The following TFEC variants were observed in gnomAD, a reference collection of about 807,000 sequenced individuals.
TFEC encodes the protein class E basic helix-loop-helix protein 34.
Under a neutral mutation model 41.6 loss-of-function variants are expected in TFEC, and 31 were observed. That is an observed-to-expected ratio of 0.74 (90% CI 0.56 to 1.01). TFEC has a LOEUF of 1.01. Ranked by LOEUF, TFEC falls within the 50% of genes least tolerant of loss-of-function variation. TFEC has a pLI of 0.00. For synonymous variants in TFEC, 143 were observed against 140.6 expected (o/e 1.02, Z -0.12); for missense variants, 402 against 404.1 (o/e 0.99, Z 0.04).
At chr7:116,117,994 T>C (rs1185417965) in intron 1 of TFEC, among the ~76,000 whole-genome samples, 1 of 151,858 alleles carries the variant, frequency 6.6e-6, no homozygotes, top group Non-Finnish European at 1.5e-5. Context: ...GAAAAAGAAA[T>C]TCAAAATCCT....
intron 3 of TFEC, among the ~76,000 whole-genome samples, chr7:115,963,414 A>T (rs1467360924): frequency 2.6e-5 from 4 of 151,796 alleles, no homozygotes; most frequent in African/African-American, 9.7e-5. Context: ...TTAACATATG[A>T]TCCAGTAATT....
chr7:115,944,508 T>C (rs1793688512), intron 6 of TFEC, among the ~76,000 whole-genome samples: 1 of 151,678 alleles, frequency 6.6e-6, no homozygotes, highest in African/African-American at 2.4e-5. Flanking sequence ...CCTTCTGACC[T>C]CACCATTTTG....
chr7:116,123,910 C>T (rs977730596), intron 1 of TFEC, among the ~76,000 whole-genome samples: 3 of 152,010 alleles, frequency 2.0e-5, no homozygotes, highest in Non-Finnish European at 4.4e-5. Flanking sequence ...CAAATCTTAG[C>T]ATGATATTAA....
At chr7:116,057,025 A>T (rs533665288) in intron 3 of TFEC, among the ~76,000 whole-genome samples, 1 of 152,156 alleles carries the variant, frequency 6.6e-6, no homozygotes, top group South Asian at 2.1e-4. Flanking sequence ...GAGATGCAAA[A>T]TACGCTGGAT....
chr7:115,941,029 T>C, intron 7 of TFEC, 98 bp from the exon 8 acceptor site: 10 of 1,147,720 alleles, frequency 8.7e-6, no homozygotes, highest in Non-Finnish European at 1.2e-5. Flanking sequence ...AACAAGCATT[T>C]AAAATGAAGA....
chr7:116,145,001 T>C (rs569303671), intron 1 of TFEC, among the ~76,000 whole-genome samples: 2 of 152,282 alleles, frequency 1.3e-5, no homozygotes, highest in South Asian at 2.1e-4. Context: ...CTGACTAATA[T>C]AGACTATATT....
At chr7:116,073,224 C>A (rs1386683189) in intron 3 of TFEC, among the ~76,000 whole-genome samples, 3 of 151,404 alleles carry the variant, frequency 2.0e-5, no homozygotes, top group Non-Finnish European at 4.4e-5. Flanking sequence ...ATTAAGAAAA[C>A]AATTCCATTT....
intron 3 of TFEC, among the ~76,000 whole-genome samples, chr7:116,081,929 C>T (rs1203740836): frequency 6.6e-6 from 1 of 151,944 alleles, no homozygotes; most frequent in East Asian, 1.9e-4. Context: ...TAAATGCTAC[C>T]TCTTCTATGC....
intron 3 of TFEC, among the ~76,000 whole-genome samples, chr7:116,052,845 G>T (rs981023042): frequency 6.6e-6 from 1 of 151,548 alleles, no homozygotes; most frequent in African/African-American, 2.4e-5. Flanking sequence ...CGAGGTGGGC[G>T]GATCACGAGG....
chr7:116,128,394 A>T (rs1166973698), intron 1 of TFEC, among the ~76,000 whole-genome samples: 1 of 152,202 alleles, frequency 6.6e-6, no homozygotes, highest in Non-Finnish European at 1.5e-5. Flanking sequence ...AGGGCAAAGT[A>T]AATCAACTTC....
At chr7:116,030,013 C>A (rs143703201) in intron 1 of TFEC, among the ~76,000 whole-genome samples, 2,292 of 152,202 alleles carry the variant, frequency 0.015, 59 homozygotes, top group African/African-American at 0.053. Context: ...TTGCAGTGAG[C>A]AGAGATCACG....
At chr7:115,968,322 G>A in intron 3 of TFEC, 1 of 1,485,832 alleles carries the variant, frequency 6.7e-7, no homozygotes, top group African/African-American at 1.4e-5. Context: ...AGTGAACTTT[G>A]GTTCTTCTTT....
intron 1 of TFEC, among the ~76,000 whole-genome samples, chr7:116,156,149 G>A (rs533841608): frequency 1.3e-5 from 2 of 152,232 alleles, no homozygotes; most frequent in South Asian, 4.1e-4. Context: ...ACAGCAGAGT[G>A]GGACACTTAT....
intron 1 of TFEC, 147 bp from the exon 2 acceptor site, chr7:115,984,660 G>T: frequency 1.1e-6 from 1 of 938,964 alleles, no homozygotes; most frequent in Non-Finnish European, 1.5e-6. Flanking sequence ...TCTGTCATAA[G>T]TTACATACAA....
intron 3 of TFEC, among the ~76,000 whole-genome samples, chr7:116,064,090 T>C (rs1796636391): frequency 6.6e-6 from 1 of 151,990 alleles, no homozygotes; most frequent in Non-Finnish European, 1.5e-5. Context: ...GGGGGGGCAG[T>C]TAGAGAGATG....
At chr7:115,997,044 T>C (rs1246983598) in intron 1 of TFEC, among the ~76,000 whole-genome samples, 1 of 152,150 alleles carries the variant, frequency 6.6e-6, no homozygotes, top group Admixed American at 6.5e-5. Flanking sequence ...TCTGGCTGAC[T>C]TTACTACCTG....
At chr7:116,092,870 A>C (rs1416695863) in intron 3 of TFEC, among the ~76,000 whole-genome samples, 1 of 152,180 alleles carries the variant, frequency 6.6e-6, no homozygotes, top group African/African-American at 2.4e-5. Flanking sequence ...AAAATATACT[A>C]TGGAAGCGAG....
At chr7:116,089,260 G>A (rs1584501403) in intron 3 of TFEC, among the ~76,000 whole-genome samples, 1 of 152,094 alleles carries the variant, frequency 6.6e-6, no homozygotes, top group African/African-American at 2.4e-5. Flanking sequence ...AAAGAACCTT[G>A]GAAAAATAGG....
chr7:115,963,284 C>T (rs534997098), intron 3 of TFEC, among the ~76,000 whole-genome samples: 1 of 151,918 alleles, frequency 6.6e-6, no homozygotes, highest in African/African-American at 2.4e-5. Context: ...CCATGTAATA[C>T]TTCAATCTCA....
Sources: allele counts gnomAD v4.1 joint callset (sites outside exome capture counted in the v4.1 genomes callset), GRCh38; gene constraint gnomAD v4.1.1; transcripts MANE v1.5; gene names NCBI Gene and HGNC (gene_info 2026-07-23, HGNC 2026-07-21).